Variants in ANO3 observed in about 807,000 individuals in gnomAD.
ANO3 encodes anoctamin 3.
Under a neutral mutation model 144.8 loss-of-function variants are expected in ANO3, and 99 were observed. The observed-to-expected ratio is 0.68, with a 90% CI of 0.58 to 0.81. The LOEUF is 0.81. Ranked by LOEUF, ANO3 falls within the 30% of genes least tolerant of loss-of-function variation. ANO3 has a pLI of 0.00. For missense variants in ANO3, 905 were observed against 1,202.2 expected, an observed-to-expected ratio of 0.75 and a Z score of 3.66; for synonymous variants, 414 against 392.6, an observed-to-expected ratio of 1.05 and a Z score of -0.64.
At chr11:26,341,468 T>C (rs935322753) in intron 1 of ANO3, among the ~76,000 whole-genome samples, 1 of 152,230 alleles carries the variant, frequency 6.6e-6, no homozygotes, top group Non-Finnish European at 1.5e-5. Context: ...ATAAGTGCTG[T>C]TATTTAATTC....
chr11:26,495,306 C>A (rs1442813056), intron 4 of ANO3, among the ~76,000 whole-genome samples: 6 of 138,662 alleles, frequency 4.3e-5, no homozygotes, highest in Admixed American at 3.7e-4. Flanking sequence ...GATAGGGTTT[C>A]TCTGTGTTGC....
intron 1 of ANO3, among the ~76,000 whole-genome samples, chr11:26,431,062 C>T (rs1480469679): frequency 2.6e-5 from 4 of 152,154 alleles, no homozygotes; most frequent in African/African-American, 9.7e-5. Context: ...TTGTCATCAG[C>T]CACATATGGC....
chr11:26,499,658 G>T (rs572283176), intron 4 of ANO3, among the ~76,000 whole-genome samples: 28 of 151,308 alleles, frequency 1.9e-4, no homozygotes, highest in African/African-American at 5.8e-4. Context: ...CGATTTTTAT[G>T]TTGCCTATTC....
chr11:26,511,436 TACTC>T (rs780090614), intron 5 of ANO3, among the ~76,000 whole-genome samples: 2 of 152,212 alleles, frequency 1.3e-5, no homozygotes, highest in Non-Finnish European at 2.9e-5. Context: ...AAATTTTTTA[TACTC>T]TTTCCACTTG....
chr11:26,390,154 A>G (rs550768259), intron 1 of ANO3, among the ~76,000 whole-genome samples: 1 of 152,188 alleles, frequency 6.6e-6, no homozygotes, highest in Non-Finnish European at 1.5e-5. Context: ...AGAAGAAAAT[A>G]GTGTGTGAAG....
At chr11:26,445,263 A>C (rs960967634) in intron 3 of ANO3, among the ~76,000 whole-genome samples, 1 of 152,202 alleles carries the variant, frequency 6.6e-6, no homozygotes, top group Non-Finnish European at 1.5e-5. Flanking sequence ...TAAGAACAAA[A>C]AACAAACCTG....
At chr11:26,610,569 T>C (rs1852071351) in intron 17 of ANO3, among the ~76,000 whole-genome samples, 1 of 152,148 alleles carries the variant, frequency 6.6e-6, no homozygotes, top group Non-Finnish European at 1.5e-5. Context: ...TTCCTGTGCT[T>C]TTGCAGCCTT....
chr11:26,227,431 C>T (rs1385678888), intron 1 of ANO3, among the ~76,000 whole-genome samples: 1 of 152,078 alleles, frequency 6.6e-6, no homozygotes, highest in African/African-American at 2.4e-5. Context: ...ACCACCATCT[C>T]TTGGTCATGG....
rs931150539 is a variant in ANO3, at chr11:26,312,866, C to T, written c.-3+3147C>T. Among the ~76,000 whole-genome samples, 10 of 152,110 alleles carry T rather than the reference C, an allele frequency of 6.6e-5. No individual in the cohort carries two copies. In the East Asian group the frequency reaches 9.7e-4, roughly 15 times the overall value. On this transcript the variant is annotated intron_variant, in intron 1 of 26. Transcript: ENST00000525139. The stretch of plus-strand genomic sequence containing the variant: ...TTAATTAGATCTCATTTGTCAATTT[C>T]GAAAGGCTTCTCTTCTTTTAGCACA...
At chr11:26,566,920 A>G (rs1225041880) in intron 14 of ANO3, 1 of 722,526 alleles carries the variant, frequency 1.4e-6, no homozygotes, top group Non-Finnish European at 2.0e-6. Context: ...AGGTAGCAGC[A>G]CTCTAAACAA....
chr11:26,445,944 G>A (rs1431342016), intron 3 of ANO3, among the ~76,000 whole-genome samples: 4 of 151,982 alleles, frequency 2.6e-5, no homozygotes, highest in Non-Finnish European at 5.9e-5. Context: ...CGATTCTCCT[G>A]CCTCAGCCTC....
At chr11:26,234,804 A>G (rs1351227418) in intron 1 of ANO3, among the ~76,000 whole-genome samples, 1 of 151,888 alleles carries the variant, frequency 6.6e-6, no homozygotes, top group Admixed American at 6.6e-5. Flanking sequence ...GAGATTTATT[A>G]TAAGGAATTG....
chr11:26,365,792 C>T (rs1856053632), intron 1 of ANO3, among the ~76,000 whole-genome samples: 1 of 151,978 alleles, frequency 6.6e-6, no homozygotes, highest in Admixed American at 6.6e-5. Flanking sequence ...CTGGGCTGGC[C>T]TGTGAGGTGA....
chr11:26,444,260 T>C (rs1858628619), intron 3 of ANO3, among the ~76,000 whole-genome samples: 2 of 152,234 alleles, frequency 1.3e-5, no homozygotes, highest in Non-Finnish European at 2.9e-5. Context: ...ATCTCCTTTT[T>C]TGCCTTTTGA....
chr11:26,205,293 T>G (rs994382081), intron 1 of ANO3, among the ~76,000 whole-genome samples: 1 of 152,180 alleles, frequency 6.6e-6, no homozygotes, highest in Non-Finnish European at 1.5e-5. Flanking sequence ...AATCCTCATT[T>G]GCATCCTGTT....
intron 1 of ANO3, among the ~76,000 whole-genome samples, chr11:26,385,846 CACACAT>C (rs1350909017): frequency 4.8e-5 from 7 of 144,486 alleles, no homozygotes; most frequent in Admixed American, 6.8e-5. Context: ...CACACACACA[CACACAT>C]ATATATGTGG....
At chr11:26,453,146 T>C (rs957243052) in intron 3 of ANO3, among the ~76,000 whole-genome samples, 49 of 152,312 alleles carry the variant, frequency 3.2e-4, no homozygotes, top group African/African-American at 1.1e-3. Context: ...TAAAGACCAT[T>C]GAGACTAGGA....
chr11:26,367,885 T>C (rs1046907367), intron 1 of ANO3, among the ~76,000 whole-genome samples: 1 of 152,108 alleles, frequency 6.6e-6, no homozygotes, highest in African/African-American at 2.4e-5. Context: ...CACCACACTT[T>C]ACAACAACCA....
chr11:26,335,773 A>C (rs1451607939), intron 1 of ANO3, among the ~76,000 whole-genome samples: 1 of 152,162 alleles, frequency 6.6e-6, no homozygotes. Context: ...CTACTATAGG[A>C]AGTTTGAGAG....
Sources: gnomAD v4.1 joint callset for allele counts (sites outside exome capture counted in the v4.1 genomes callset) on GRCh38, gnomAD v4.1.1 for gene constraint, MANE v1.5 for transcripts, NCBI Gene and HGNC (gene_info 2026-07-23, HGNC 2026-07-21) for gene names.